Variants in GRM8 observed in about 807,000 individuals in gnomAD.
GRM8 encodes the protein metabotropic glutamate receptor 8.
In GRM8, 47 loss-of-function variants were observed where a neutral mutation model predicts 87.2. That is an observed-to-expected ratio of 0.54 (90% CI 0.43 to 0.69). The LOEUF is 0.69. Among genes scored for constraint, GRM8 ranks in the 30% least tolerant of loss-of-function variants. The probability of loss-of-function intolerance (pLI) is 0.00; values close to 1 mark genes in which losing one functional copy is unlikely to be tolerated. For missense variants in GRM8, 1,019 were observed against 1,139.2 expected (o/e 0.89, Z 1.52); for synonymous variants, 396 against 404.5 (o/e 0.98, Z 0.25).
chr7:126,585,934 A>G (rs946380166), intron 8 of GRM8, among the ~76,000 whole-genome samples: 2 of 152,176 alleles, frequency 1.3e-5, no homozygotes, highest in African/African-American at 4.8e-5. Flanking sequence ...AGAAAACCCC[A>G]TTGTCTCAGC....
At chr7:126,556,336 T>TAA (rs1793130352) in intron 8 of GRM8, among the ~76,000 whole-genome samples, 1 of 75,722 alleles carries the variant, frequency 1.3e-5, no homozygotes, top group African/African-American at 3.9e-5. Context: ...GTTCTCCTCT[T>TAA]TAAAAAAAAA....
intron 9 of GRM8, among the ~76,000 whole-genome samples, chr7:126,506,599 G>T (rs919275290): frequency 1.3e-5 from 2 of 151,846 alleles, no homozygotes; most frequent in African/African-American, 2.4e-5. Flanking sequence ...GGCCAACATG[G>T]TAAAACCCTT....
At chr7:126,491,658 A>G (rs1236145557) in intron 9 of GRM8, among the ~76,000 whole-genome samples, 1 of 152,090 alleles carries the variant, frequency 6.6e-6, no homozygotes, top group African/African-American at 2.4e-5. Context: ...GCTTCTGTGA[A>G]CCTTTAGCCA....
chr7:127,142,688 T>G lies in GRM8; in HGVS notation c.511-35976A>C, dbSNP rs559225760. On this transcript the variant is annotated intron_variant, in intron 2 of 10. Coordinates refer to ENST00000339582, the MANE Select transcript of GRM8 (RefSeq NM_000845.3). The stretch of plus-strand genomic sequence containing the variant: ...TAGGCTTGATAGATGCATGGATAGA[T>G]GGATGGATGGATTGGATGGATGGAT... Among the ~76,000 whole-genome samples, 28 of 152,194 alleles carry G rather than the reference T, an allele frequency of 1.8e-4. 1 individual carries two copies. In the South Asian group the frequency reaches 2.3e-3, roughly 12 times the overall value.
chr7:127,076,828 A>T (rs1822319288), intron 3 of GRM8, among the ~76,000 whole-genome samples: 1 of 152,226 alleles, frequency 6.6e-6, no homozygotes, highest in Admixed American at 6.5e-5. Flanking sequence ...GGAGAACAGA[A>T]GTCACGTCAG....
At chr7:127,022,179 T>G (rs1027557381) in intron 3 of GRM8, among the ~76,000 whole-genome samples, 2 of 151,960 alleles carry the variant, frequency 1.3e-5, no homozygotes, top group Admixed American at 1.3e-4. Context: ...TCTTTTTTTT[T>G]TTTTCCAATA....
At chr7:126,903,609 A>AC (rs1299242594) in intron 5 of GRM8, among the ~76,000 whole-genome samples, 1 of 146,258 alleles carries the variant, frequency 6.8e-6, no homozygotes, top group Non-Finnish European at 1.5e-5. Flanking sequence ...CACTATATAC[A>AC]TATATACATA....
At chr7:126,697,493 T>C (rs1809511053) in intron 7 of GRM8, among the ~76,000 whole-genome samples, 1 of 152,144 alleles carries the variant, frequency 6.6e-6, no homozygotes, top group African/African-American at 2.4e-5. Flanking sequence ...ATATGTAATA[T>C]ACATTTATCA....
chr7:126,814,984 G>T (rs1181308034), intron 6 of GRM8, among the ~76,000 whole-genome samples: 2 of 151,902 alleles, frequency 1.3e-5, no homozygotes, highest in African/African-American at 4.8e-5. Flanking sequence ...ACCAGAAAAA[G>T]AACCAATTCT....
intron 3 of GRM8, among the ~76,000 whole-genome samples, chr7:126,921,291 A>G (rs1804505655): frequency 6.6e-6 from 1 of 152,174 alleles, no homozygotes; most frequent in South Asian, 2.1e-4. Flanking sequence ...TAGATAAGGT[A>G]TAAGAGCAAG....
At position 126,533,570 on chromosome 7, in the gene GRM8, G is replaced by A. The variant is rs145940788; in HGVS notation, c.1812C>T (p.Thr604=). The A allele has an allele frequency of 1.7e-5, 28 of 1,614,070 alleles. No individual in the cohort carries two copies. The highest frequency in any genetic ancestry group is 2.3e-5 in the Non-Finnish European group (27 of 1,179,974). Residue 604 remains threonine, a synonymous_variant, in exon 9 of 11, where the codon ACC becomes ACT. Coordinates refer to ENST00000339582, the MANE Select transcript of GRM8 (RefSeq NM_000845.3). The part of the protein sequence containing the change: ...GIIATTFVIV[T]FVRYNDTPIV... ...TAGGTGTGTCATTATAGCGGACAAA[G>A]GTCACGATCACAAAGGTGGTGGCGA...
At chr7:126,747,641 C>T (rs1203410691) in intron 7 of GRM8, among the ~76,000 whole-genome samples, 1 of 152,016 alleles carries the variant, frequency 6.6e-6, no homozygotes, top group Non-Finnish European at 1.5e-5. Context: ...TCATTACTAA[C>T]AAAAATATAT....
intron 6 of GRM8, among the ~76,000 whole-genome samples, chr7:126,772,521 C>T (rs550699332): frequency 1.3e-4 from 20 of 152,144 alleles, no homozygotes; most frequent in African/African-American, 4.6e-4. Flanking sequence ...TTCAACAACT[C>T]GCCAAGAGAT....
intron 3 of GRM8, among the ~76,000 whole-genome samples, chr7:126,941,789 C>A (rs2131539280): frequency 6.6e-6 from 1 of 152,064 alleles, no homozygotes; most frequent in South Asian, 2.1e-4. Flanking sequence ...TACAAATAAT[C>A]AATATTATAA....
intron 3 of GRM8, among the ~76,000 whole-genome samples, chr7:126,910,060 A>G (rs1364531397): frequency 2.0e-5 from 3 of 152,122 alleles, no homozygotes; most frequent in African/African-American, 7.2e-5. Flanking sequence ...ACAGCTACAT[A>G]AATACAGTCC....
chr7:126,549,751 C>T (rs368477457), intron 8 of GRM8, among the ~76,000 whole-genome samples: 1 of 152,070 alleles, frequency 6.6e-6, no homozygotes, highest in Non-Finnish European at 1.5e-5. Context: ...AGACACTTTA[C>T]TGGGAAAAAT....
Position 126,609,479 on chromosome 7 carries a change from G to A in GRM8, c.1377C>T (p.Val459=), listed in dbSNP as rs1163205553. The part of the protein sequence containing the change: ...VNFNGSAGTP[V]TFNENGDAPG... ...GAGCATCTCCGTTTTCATTAAAAGT[G>A]ACAGGAGTGCCAGCACTGCCTATAA... The change falls in exon 8 of 11, where the codon GTC becomes GTT. Residue 459 remains valine, a synonymous_variant. Coordinates refer to ENST00000339582, the MANE Select transcript of GRM8 (RefSeq NM_000845.3). 1 of 1,612,204 alleles carries A rather than the reference G, an allele frequency of 6.2e-7. No homozygotes were observed. Among genetic ancestry groups the A allele is most frequent in the African/African-American group, 1.3e-5 (1 of 74,912 alleles).
At chr7:126,756,722 G>A (rs968818958) in intron 7 of GRM8, among the ~76,000 whole-genome samples, 2 of 152,064 alleles carry the variant, frequency 1.3e-5, no homozygotes, top group Admixed American at 1.3e-4. Flanking sequence ...TGTGGAGATA[G>A]TTAAAAGATC....
chr7:127,017,673 G>A (rs1815825271), intron 3 of GRM8, among the ~76,000 whole-genome samples: 1 of 151,972 alleles, frequency 6.6e-6, no homozygotes, highest in Non-Finnish European at 1.5e-5. Context: ...AGGCATTCCA[G>A]TTAAAAAGCA....
Sources: gnomAD v4.1 joint callset for allele counts (sites outside exome capture counted in the v4.1 genomes callset) on GRCh38, gnomAD v4.1.1 for gene constraint, MANE v1.5 for transcripts, NCBI Gene and HGNC (gene_info 2026-07-23, HGNC 2026-07-21) for gene names.